HNRNPH1: variants seen among roughly 807,000 people sequenced by gnomAD.
The protein encoded by HNRNPH1 is heterogeneous nuclear ribonucleoprotein H.
HNRNPH1 carries 4 observed loss-of-function variants against 58.6 expected under a neutral mutation model. The ratio of observed to expected loss-of-function variants is 0.07; its 90% confidence interval spans 0.03 to 0.16. The LOEUF is 0.16. HNRNPH1 is among the 10% of genes least tolerant of loss of function. The pLI, the probability that HNRNPH1 is intolerant of heterozygous loss-of-function variation, is 1.00. For missense variants in HNRNPH1, 271 were observed against 564.2 expected (o/e 0.48, Z 5.26); for synonymous variants, 192 against 189.2 (o/e 1.01, Z -0.12).
At chr5:179,629,398 T>TA (rs1168591885), upstream of HNRNPH1, 1 of 142,328 alleles carries the variant, frequency 7.0e-6, no homozygotes, top group East Asian at 2.0e-4. Flanking sequence ...GCTCAGGTGA[T>TA]CCTCCTGCCT....
At chr5:179,621,165 T>C in intron 2 of HNRNPH1, 77 bp downstream of exon 3, 1 of 1,510,446 alleles carries the variant, frequency 6.6e-7, no homozygotes, top group East Asian at 2.3e-5. Context: ...TGCAGTCAAA[T>C]ACCTAAAATT....
chr5:179,617,269 T>C (rs1770231837), intron 8 of HNRNPH1, 159 bp from the exon 10 acceptor site: 3 of 783,430 alleles, frequency 3.8e-6, no homozygotes, highest in Admixed American at 5.6e-5. Flanking sequence ...AACTCCAAAA[T>C]CTAGCCTTTA....
intron 11 of HNRNPH1, 171 bp downstream of exon 12, chr5:179,615,955 A>C: frequency 1.7e-6 from 1 of 595,558 alleles, no homozygotes; most frequent in Non-Finnish European, 3.0e-6. Flanking sequence ...TTGAAAGCAT[A>C]CATTTCATAA....
At chr5:179,633,552 T>A (rs1775024633) in intron 2 of HNRNPH1, among the ~76,000 whole-genome samples, 1 of 147,468 alleles carries the variant, frequency 6.8e-6, no homozygotes, top group Non-Finnish European at 1.5e-5. Flanking sequence ...GACCTCGTGA[T>A]CCACCTGCCT....
intron 8 of HNRNPH1, 123 bp from the exon 10 acceptor site, chr5:179,617,233 G>A: frequency 1.0e-6 from 1 of 966,492 alleles, no homozygotes; most frequent in East Asian, 2.6e-5. Flanking sequence ...AGAAATTCTA[G>A]CTACTTCTCT....
chr5:179,626,518 C>T (rs1774411551), upstream of HNRNPH1, among the ~76,000 whole-genome samples: 1 of 151,362 alleles, frequency 6.6e-6, no homozygotes, highest in South Asian at 2.1e-4. Context: ...GAGTTAGAGA[C>T]CAGCCTGACC....
intron 9 of HNRNPH1, 38 bp from the exon 11 acceptor site, chr5:179,616,996 A>T: frequency 6.2e-7 from 1 of 1,604,096 alleles, no homozygotes; most frequent in Non-Finnish European, 8.5e-7. Context: ...TTAGCTTAAA[A>T]AAAAGACACT....
At chr5:179,632,505 C>T (rs1774927054) in intron 2 of HNRNPH1, among the ~76,000 whole-genome samples, 1 of 152,178 alleles carries the variant, frequency 6.6e-6, no homozygotes, top group Non-Finnish European at 1.5e-5. Context: ...TCCACAACCA[C>T]GTAAACGAAT....
chr5:179,625,288 G>C (rs1165886873), upstream of HNRNPH1, among the ~76,000 whole-genome samples: 1 of 152,126 alleles, frequency 6.6e-6, no homozygotes, highest in East Asian at 1.9e-4. Context: ...TTGAGATCAG[G>C]AGTTTCAGAC....
upstream of HNRNPH1, chr5:179,624,727 C>G (rs1186263602): frequency 2.5e-5 from 10 of 397,076 alleles, no homozygotes; most frequent in Non-Finnish European, 3.5e-5. Context: ...ATTTGGCTGC[C>G]TTCCTCACCC....
At chr5:179,629,142 A>G (rs1323063000), upstream of HNRNPH1, 1 of 148,228 alleles carries the variant, frequency 6.7e-6, no homozygotes, top group Admixed American at 6.7e-5. Flanking sequence ...CTAAAAATAC[A>G]AAAAATTAGC....
exon 13 of HNRNPH1, chr5:179,614,209 A>G (rs1319521543): frequency 6.6e-6 from 1 of 152,390 alleles, no homozygotes; most frequent in African/African-American, 2.4e-5. Context: ...TTATTTGACA[A>G]GTTTCACTTA....
chr5:179,618,142 TACCTCC>T lies in HNRNPH1; in HGVS notation c.712_715+2del. 1 of 1,613,650 alleles carries T rather than the reference TACCTCC, an allele frequency of 6.2e-7. No individual in the cohort carries two copies. The highest frequency in any genetic ancestry group is 8.5e-7 in the Non-Finnish European group (1 of 1,179,752). On this transcript the variant is annotated splice_donor_variant and coding_sequence_variant, in exon 5 of 13. Transcript: ENST00000356731. LOFTEE classifies it high-confidence loss of function. ...TTGCCGAACCTTACGAATCCTCACGTACCTCCACCATAAGCACCACGCCTCATCCTC... is the reference window on the plus strand; with the variant it reads ...TTGCCGAACCTTACGAATCCTCACGTACCATAAGCACCACGCCTCATCCTC...
At position 179,620,874 on chromosome 5, in the gene HNRNPH1, A is replaced by T. The variant is rs1233029201; in HGVS notation, c.397+18T>A. ...GCTAGCCAAAACTCACTGCTCAGCA[A>T]CAAACATGACTACATACCTGAGAAG... On this transcript the variant is annotated intron_variant, in intron 3 of 12. Transcript: ENST00000356731. 1 of 1,612,438 alleles carries T rather than the reference A, an allele frequency of 6.2e-7. No individual in the cohort carries two copies. The highest frequency in any genetic ancestry group is 1.1e-5 in the South Asian group (1 of 90,942).
chr5:179,619,541 CTT>C (rs371189831), intron 3 of HNRNPH1, 134 bp from the exon 5 acceptor site: 1 of 668,648 alleles, frequency 1.5e-6, no homozygotes, highest in Non-Finnish European at 2.6e-6. Flanking sequence ...AACAAGTACT[CTT>C]TAAATATGCA....
chr5:179,616,348 C>G (rs942479334), intron 10 of HNRNPH1, 130 bp from the exon 12 acceptor site: 1 of 755,776 alleles, frequency 1.3e-6, no homozygotes, highest in Admixed American at 2.1e-5. Flanking sequence ...CTGCCTCCTT[C>G]TGCCTACTGT....
chr5:179,630,288 G>A lies in HNRNPH1; in HGVS notation c.-32+3777C>T, dbSNP rs554524029. On this transcript the variant is annotated intron_variant, in intron 2 of 4. Transcript: ENST00000521116. The stretch of plus-strand genomic sequence containing the variant: ...CGCTTGAATGTGGGAGGCGGCGGTC[G>A]TGGTGAGCTGAAATCTTGCCATTGC... Among the ~76,000 whole-genome samples the A allele has an allele frequency of 8.5e-5, 13 of 152,246 alleles. No individual in the cohort carries two copies. The East Asian group carries it at 1.7e-3, about 20-fold the overall frequency.
chr5:179,616,037 T>A, intron 11 of HNRNPH1, 89 bp downstream of exon 12: 1 of 1,160,378 alleles, frequency 8.6e-7, no homozygotes, highest in East Asian at 2.4e-5. Flanking sequence ...CTAAGTACAG[T>A]AACAGGCTTT....
At chr5:179,618,955 T>C (rs1458994204) in intron 4 of HNRNPH1, 1 of 183,676 alleles carries the variant, frequency 5.4e-6, no homozygotes, top group Non-Finnish European at 1.1e-5. Flanking sequence ...GTAATATTAA[T>C]TTATTCTAGG....
Sources: gnomAD v4.1 joint callset for allele counts (sites outside exome capture counted in the v4.1 genomes callset) on GRCh38, gnomAD v4.1.1 for gene constraint, MANE v1.5 for transcripts, NCBI Gene and HGNC (gene_info 2026-07-23, HGNC 2026-07-21) for gene names.